Variants in AGBL1 observed in about 807,000 individuals in gnomAD.
AGBL1 encodes AGBL carboxypeptidase 1.
Under a neutral mutation model 118.9 loss-of-function variants are expected in AGBL1, and 130 were observed. The ratio of observed to expected loss-of-function variants is 1.09; its 90% CI spans 0.95 to 1.26. The LOEUF (loss-of-function observed/expected upper bound fraction) is 1.26, where lower values mean the gene tolerates loss of function less well. Among genes scored for constraint, AGBL1 ranks in the 50% most tolerant of loss-of-function variants. AGBL1 has a pLI of 0.00. For synonymous variants in AGBL1, 555 were observed against 478.9 expected, an observed-to-expected ratio of 1.16 and a Z score of -2.08; for missense variants, 1,584 against 1,298.1, an observed-to-expected ratio of 1.22 and a Z score of -3.38.
chr15:86,436,202 G>C (rs1348748245), intron 18 of AGBL1, among the ~76,000 whole-genome samples: 1 of 149,420 alleles, frequency 6.7e-6, no homozygotes, highest in Non-Finnish European at 1.5e-5. Context: ...GAGAAGGTGT[G>C]TAGGGAGATC....
At chr15:86,954,770 C>G (rs1034958066) in intron 23 of AGBL1, among the ~76,000 whole-genome samples, 11 of 152,300 alleles carry the variant, frequency 7.2e-5, no homozygotes, top group African/African-American at 2.6e-4. Flanking sequence ...ATGTAACAAT[C>G]ATGCCCATGA....
chr15:86,769,613 A>G (rs2078144633), intron 22 of AGBL1, among the ~76,000 whole-genome samples: 1 of 152,022 alleles, frequency 6.6e-6, no homozygotes, highest in Admixed American at 6.6e-5. Flanking sequence ...AGGAGAGCTT[A>G]GACCCAAGGT....
At chr15:86,891,180 C>G (rs1398369884) in intron 22 of AGBL1, among the ~76,000 whole-genome samples, 1 of 152,072 alleles carries the variant, frequency 6.6e-6, no homozygotes, top group African/African-American at 2.4e-5. Flanking sequence ...ATTTGGTTCT[C>G]TGCTTGCCTG....
At chr15:86,499,085 A>G (rs2082887604) in intron 18 of AGBL1, among the ~76,000 whole-genome samples, 1 of 151,932 alleles carries the variant, frequency 6.6e-6, no homozygotes, top group African/African-American at 2.4e-5. Flanking sequence ...GAAATGGATT[A>G]CAGCTCTGAG....
At chr15:86,329,137 C>T (rs2080232236) in intron 17 of AGBL1, among the ~76,000 whole-genome samples, 2 of 152,132 alleles carry the variant, frequency 1.3e-5, no homozygotes, top group Non-Finnish European at 2.9e-5. Flanking sequence ...TCTTGGCAGA[C>T]TGGAACCAGT....
intron 24 of AGBL1, among the ~76,000 whole-genome samples, chr15:87,007,306 C>G (rs964154350): frequency 6.6e-6 from 1 of 152,072 alleles, no homozygotes; most frequent in Admixed American, 6.5e-5. Flanking sequence ...GAATACTGGA[C>G]TCTTAAAATG....
At chr15:86,383,005 A>C (rs895975850) in intron 17 of AGBL1, among the ~76,000 whole-genome samples, 1 of 152,146 alleles carries the variant, frequency 6.6e-6, no homozygotes, top group Admixed American at 6.5e-5. Context: ...CATTTTGAAC[A>C]GCTCTGCTCT....
intron 24 of AGBL1, among the ~76,000 whole-genome samples, chr15:87,026,345 T>G (rs954796087): frequency 6.6e-6 from 1 of 151,906 alleles, no homozygotes; most frequent in Admixed American, 6.6e-5. Context: ...GCTAAAGACA[T>G]GAATAGACAA....
chr15:86,162,596 C>T (rs2077282827), intron 5 of AGBL1, among the ~76,000 whole-genome samples: 1 of 152,210 alleles, frequency 6.6e-6, no homozygotes, highest in South Asian at 2.1e-4. Flanking sequence ...ATGCTGCACA[C>T]ACTTGTGTTG....
At chr15:86,326,990 T>C (rs959568293) in intron 17 of AGBL1, among the ~76,000 whole-genome samples, 2 of 148,896 alleles carry the variant, frequency 1.3e-5, no homozygotes, top group Non-Finnish European at 3.0e-5. Context: ...GGAAATAGAG[T>C]AGGAGAAGGA....
At chr15:86,961,649 A>G (rs1035172530) in intron 23 of AGBL1, among the ~76,000 whole-genome samples, 1 of 152,016 alleles carries the variant, frequency 6.6e-6, no homozygotes, top group African/African-American at 2.4e-5. Flanking sequence ...ACATTCATTC[A>G]ACCCAAAACT....
At position 86,967,673 on chromosome 15, in the gene AGBL1, C is replaced by G. The variant is rs1031891849; in HGVS notation, c.3222-20314C>G. On this transcript the variant is annotated intron_variant, in intron 23 of 24. Transcript: ENST00000441037. ...TTATTTCTGAGGGTTCTATTCTGTT[C>G]CATTGTTCTATATCTCTGTTTTGGT... Among the ~76,000 whole-genome samples, 14 of 151,988 alleles carry G rather than the reference C, an allele frequency of 9.2e-5. 1 individual carries two copies. The highest frequency in any genetic ancestry group is 3.9e-4 in the Admixed American group (6 of 15,240).
chr15:86,691,038 A>T (rs986720708), intron 22 of AGBL1, among the ~76,000 whole-genome samples: 3 of 152,142 alleles, frequency 2.0e-5, no homozygotes, highest in Non-Finnish European at 4.4e-5. Flanking sequence ...ATTCATATTA[A>T]GTAGTAGGTT....
In AGBL1 at chr15:86,542,696, T is replaced by A. The variant is rs146447939; in HGVS notation, c.2686-3306T>A. 3.7e-3 allele frequency among the ~76,000 whole-genome samples: 556 copies of A among 152,080 alleles called. 7 individuals are homozygous for A. The highest frequency in any genetic ancestry group is 0.011 in the African/African-American group (448 of 41,476). On this transcript the variant is annotated intron_variant, in intron 19 of 22. Coordinates refer to ENST00000614907, the MANE Select transcript of AGBL1 (RefSeq NM_001386094.1). ...ATGGGGTCTTTGATTTTATGGAGAT[T>A]ATGCAATCCTAGAGTACAGAGGCCA...
intron 17 of AGBL1, among the ~76,000 whole-genome samples, chr15:86,311,115 CGCTT>C (rs938921237): frequency 1.5e-4 from 23 of 152,250 alleles, no homozygotes; most frequent in Non-Finnish European, 2.9e-4. Context: ...CAGGCTTCGA[CGCTT>C]GCTTATTTTC....
intron 4 of AGBL1, among the ~76,000 whole-genome samples, chr15:86,154,950 A>G (rs1289593208): frequency 6.6e-6 from 1 of 152,108 alleles, no homozygotes; most frequent in Non-Finnish European, 1.5e-5. Flanking sequence ...CTCTCACATC[A>G]CAAATCTCCC....
intron 18 of AGBL1, among the ~76,000 whole-genome samples, chr15:86,500,481 T>TAATG (rs2082905261): frequency 6.6e-6 from 1 of 151,252 alleles, no homozygotes; most frequent in South Asian, 2.1e-4. Flanking sequence ...GTAGTTTTCA[T>TAATG]AATGTTTGCA....
chr15:86,364,180 T>G (rs2080845079), intron 17 of AGBL1, among the ~76,000 whole-genome samples: 2 of 152,122 alleles, frequency 1.3e-5, no homozygotes, highest in Non-Finnish European at 2.9e-5. Context: ...CTGAAAAAAT[T>G]AAATACAGTG....
chr15:86,847,036 A>G (rs543591847), intron 22 of AGBL1, among the ~76,000 whole-genome samples: 1 of 152,236 alleles, frequency 6.6e-6, no homozygotes, highest in Admixed American at 6.5e-5. Context: ...GTCTTCTAAC[A>G]TTTTAATTCT....
Sources: gnomAD v4.1 joint callset for allele counts (sites outside exome capture counted in the v4.1 genomes callset) on GRCh38, gnomAD v4.1.1 for gene constraint, MANE v1.5 for transcripts, NCBI Gene and HGNC (gene_info 2026-07-23, HGNC 2026-07-21) for gene names.